The following GFPT2 variants were observed in gnomAD, a reference collection of about 807,000 sequenced individuals.
GFPT2 encodes glutamine--fructose-6-phosphate aminotransferase [isomerizing] 2.
GFPT2 carries 62 observed loss-of-function variants against 85.6 expected under a neutral mutation model. That is an observed-to-expected ratio of 0.72 (90% CI 0.59 to 0.90). The LOEUF is 0.90. Ranked by LOEUF, GFPT2 falls within the 40% of genes least tolerant of loss-of-function variation. The pLI, the probability that GFPT2 is intolerant of heterozygous loss-of-function variation, is 0.00. For missense variants in GFPT2, 788 were observed against 893.4 expected (o/e 0.88, Z 1.50); for synonymous variants, 368 against 344.5 (o/e 1.07, Z -0.75).
At chr5:180,317,193 C>A (rs1764027576) in intron 10 of GFPT2, 135 bp from the exon 11 acceptor site, 1 of 691,104 alleles carries the variant, frequency 1.4e-6, no homozygotes, top group African/African-American at 1.8e-5. Flanking sequence ...CTGCCTGACA[C>A]TCACTACCAT....
At chr5:180,327,229 T>G (rs934678347) in intron 7 of GFPT2, among the ~76,000 whole-genome samples, 2 of 152,156 alleles carry the variant, frequency 1.3e-5, no homozygotes, top group Non-Finnish European at 2.9e-5. Flanking sequence ...AGAGCCGGCC[T>G]CTGTCCGCCT....
intron 1 of GFPT2, among the ~76,000 whole-genome samples, chr5:180,343,011 G>A (rs1764548193): frequency 6.6e-6 from 1 of 152,128 alleles, no homozygotes; most frequent in African/African-American, 2.4e-5. Flanking sequence ...GTTAAGCGAG[G>A]GAGGGAACAA....
At chr5:180,301,737 G>A (rs918204380) in intron 18 of GFPT2, 129 bp from the exon 19 acceptor site, 2 of 743,258 alleles carry the variant, frequency 2.7e-6, no homozygotes, top group African/African-American at 1.7e-5. Context: ...CTAGAGACCT[G>A]CGTCTTGGAG....
chr5:180,333,634 T>C (rs1764348336), intron 4 of GFPT2, among the ~76,000 whole-genome samples: 1 of 152,250 alleles, frequency 6.6e-6, no homozygotes, highest in Non-Finnish European at 1.5e-5. Flanking sequence ...ATCCATGTTG[T>C]CTCTGCAGAA....
rs1361398045 is a variant in GFPT2 at position 180,301,345 on chromosome 5, A to G, written c.*219T>C. ...AGTCTGCTCTGATCCCCATGTGTAA[A>G]CAATGATTCCCTTCTCCTCTGGCGA... On this transcript the variant is annotated 3_prime_UTR_variant, in exon 19 of 19. Transcript: ENST00000253778. 1 of 597,320 alleles carries G rather than the reference A, an allele frequency of 1.7e-6. No homozygotes were observed. The highest frequency in any genetic ancestry group is 3.0e-6 in the Non-Finnish European group (1 of 334,744). 37.0% of individuals were successfully genotyped at this position (597,320 alleles called of 1,614,324 possible).
intron 14 of GFPT2, 97 bp from the exon 15 acceptor site, chr5:180,312,641 T>G: frequency 1.5e-6 from 1 of 685,294 alleles, no homozygotes. Context: ...CACGCCTGAG[T>G]GCAGTGGCGA....
At chr5:180,344,434 GATA>G (rs1033707031) in intron 1 of GFPT2, among the ~76,000 whole-genome samples, 5 of 152,204 alleles carry the variant, frequency 3.3e-5, no homozygotes, top group African/African-American at 7.2e-5. Context: ...CTAGATGCCA[GATA>G]ATGTCTAAAT....
intron 7 of GFPT2, among the ~76,000 whole-genome samples, chr5:180,326,666 G>T (rs1470597023): frequency 6.6e-6 from 1 of 152,152 alleles, no homozygotes; most frequent in African/African-American, 2.4e-5. Flanking sequence ...GGGGCCAGTG[G>T]GGAACTAGCA....
At position 180,324,816 on chromosome 5, in the gene GFPT2, A is replaced by C; in HGVS notation, c.676T>G (p.Cys226Gly). 1 of 1,585,512 alleles carries C rather than the reference A, an allele frequency of 6.3e-7. No individual in the cohort carries two copies. Among genetic ancestry groups the C allele is most frequent in the Middle Eastern group, 1.7e-4 (1 of 6,000 alleles). ...TTCCGGTACTTCTTGAGAAACTTAC[A>C]CGTCCTGTATAAGATAGGGATCTGT... ...TEQIPILYRT[C>G]TLENVKNICK... is the part of the protein sequence containing the mutation. Residue 226 changes from cysteine to glycine, a missense_variant and splice_region_variant, in exon 8 of 19, where the codon TGC (cysteine) becomes GGC (glycine). By Grantham distance (159) the Cys-to-Gly change is radical. Transcript: ENST00000253778.
rs1020390635 is a variant in GFPT2, at chr5:180,302,498, G to A, written c.1929C>T (p.Asp643=). The change falls in exon 18 of 19, where the codon GAC becomes GAT. Residue 643 remains aspartate, a synonymous_variant. Transcript: ENST00000253778. The part of the protein sequence containing the change: ...YKTIELPHTV[D]CLQGILSVIP... The stretch of plus-strand genomic sequence containing the variant: ...TCACGCTCAGGATGCCCTGGAGGCA[G>A]TCCACAGTGTGGGGCAGCTCAATTG... 4.3e-6 allele frequency: 7 copies of A among 1,614,008 alleles called. No individual in the cohort carries two copies. The highest frequency in any genetic ancestry group is 5.9e-6 in the Non-Finnish European group (7 of 1,179,862).
chr5:180,336,445 A>G (rs766922873), intron 3 of GFPT2, 34 bp downstream of exon 3: 1 of 1,164,212 alleles, frequency 8.6e-7, no homozygotes, highest in Non-Finnish European at 1.3e-6. Flanking sequence ...CCGGCGCTGC[A>G]GCGGCTCCTC....
In GFPT2 at chr5:180,319,000, A is replaced by G. The variant is rs1764068271; in HGVS notation, c.795-44T>C. 1 of 1,584,192 alleles carries G rather than the reference A, an allele frequency of 6.3e-7. No individual in the cohort carries two copies. Among genetic ancestry groups the G allele is most frequent in the Non-Finnish European group, 8.6e-7 (1 of 1,161,104 alleles). On this transcript the variant is annotated intron_variant, in intron 9 of 18. Transcript: ENST00000253778. This position sits in a 1 kb window ranked among gnomAD's most constrained non-coding sequence, Gnocchi z 4.2. ...GCATCATCAGTGCCCTGCCCTGAGC[A>G]GTTACGAGGCAGCAGCCCCTTGCTG...
chr5:180,351,732 C>A (rs1764715485), intron 1 of GFPT2, among the ~76,000 whole-genome samples: 1 of 152,156 alleles, frequency 6.6e-6, no homozygotes, highest in Non-Finnish European at 1.5e-5. Context: ...GTAGAGCCCC[C>A]CCAAAGCTCA....
intron 15 of GFPT2, among the ~76,000 whole-genome samples, chr5:180,309,297 T>C (rs1450008602): frequency 6.6e-6 from 1 of 152,244 alleles, no homozygotes; most frequent in African/African-American, 2.4e-5. Flanking sequence ...GGGTTGCTTC[T>C]ACTGATGCGT....
At position 180,328,683 on chromosome 5, in the gene GFPT2, G is replaced by A. The variant is rs558986039; in HGVS notation, c.535-345C>T. 6.6e-6 allele frequency among the ~76,000 whole-genome samples: 1 copy of A among 152,330 alleles called. No individual in the cohort carries two copies. The highest frequency in any genetic ancestry group is 2.4e-5 in the African/African-American group (1 of 41,586). ...ACCAGGCTTCCCTGCCCTGCTCAGG[G>A]ACAGCACCTACTCAGCAAGCCCCTG... is the stretch of plus-strand genomic sequence containing the variant. On this transcript the variant is annotated intron_variant, in intron 6 of 18. Transcript: ENST00000253778. This position sits in a 1 kb window ranked among gnomAD's most constrained non-coding sequence, Gnocchi z 5.4.
intron 15 of GFPT2, among the ~76,000 whole-genome samples, chr5:180,310,483 T>C (rs1466141950): frequency 4.0e-5 from 6 of 151,122 alleles, no homozygotes; most frequent in African/African-American, 1.5e-4. Flanking sequence ...GAATCTTGGC[T>C]CACTGCAACC....
intron 1 of GFPT2, among the ~76,000 whole-genome samples, chr5:180,341,484 TTAATCTA>T (rs1357864059): frequency 6.6e-6 from 1 of 152,246 alleles, no homozygotes; most frequent in African/African-American, 2.4e-5. Context: ...ATAAACTTAA[TTAATCTA>T]TAAACAGTCA....
Position 180,304,840 on chromosome 5 carries a change from T to C in GFPT2, c.1774A>G (p.Met592Val), listed in dbSNP as rs372679978. 12 of 1,614,118 alleles carry C rather than the reference T, an allele frequency of 7.4e-6. No homozygotes were observed. In the African/African-American group the frequency reaches 1.3e-4, roughly 18 times the overall value. ...ALIDKQMPVI[M>V]VIMKDPCFAK... is the part of the protein sequence containing the mutation. ...AAGCAAGGATCCTTCATAATGACCA[T>C]GATGACGGGCATCTGCTTGTCAATC... The change falls in exon 17 of 19, where the codon ATG becomes GTG. Residue 592 changes from methionine (M) to valine (V), a missense_variant. Coordinates refer to ENST00000253778, the MANE Select transcript of GFPT2 (RefSeq NM_005110.4).
rs1764254107 is a variant in GFPT2, at chr5:180,328,687, G to A, written c.535-349C>T. Among the ~76,000 whole-genome samples, 1 of 152,206 alleles carries A rather than the reference G, an allele frequency of 6.6e-6. No homozygotes were observed. The highest frequency in any genetic ancestry group is 1.5e-5 in the Non-Finnish European group (1 of 68,036). On this transcript the variant is annotated intron_variant, in intron 6 of 18. Coordinates refer to ENST00000253778, the MANE Select transcript of GFPT2 (RefSeq NM_005110.4). This position sits in a 1 kb window ranked among gnomAD's most constrained non-coding sequence, Gnocchi z 5.4. ...GGCTTCCCTGCCCTGCTCAGGGACA[G>A]CACCTACTCAGCAAGCCCCTGTGAA...
Sources: allele counts gnomAD v4.1 joint callset (sites outside exome capture counted in the v4.1 genomes callset), GRCh38; gene constraint gnomAD v4.1.1; non-coding constraint Gnocchi (gnomAD v3.1); transcripts MANE v1.5; gene names NCBI Gene and HGNC (gene_info 2026-07-23, HGNC 2026-07-21).